The following XRN1 variants were observed in gnomAD, a reference collection of about 807,000 sequenced individuals.
XRN1 encodes 5'-3' exoribonuclease 1, also known as strand-exchange protein 1 homolog.
In XRN1, 67 loss-of-function variants were observed where a neutral mutation model predicts 222.3. The observed-to-expected ratio is 0.30, with a 90% CI of 0.25 to 0.37. The LOEUF is 0.37. Among genes scored for constraint, XRN1 ranks in the 10% least tolerant of loss-of-function variants. XRN1 has a pLI of 1.00. For missense variants in XRN1, 1,707 were observed against 2,000.2 expected, an observed-to-expected ratio of 0.85 and a Z score of 2.80; for synonymous variants, 643 against 652.4, an observed-to-expected ratio of 0.99 and a Z score of 0.22.
At chr3:142,390,418 G>C (rs1322843355) in intron 20 of XRN1, among the ~76,000 whole-genome samples, 1 of 152,190 alleles carries the variant, frequency 6.6e-6, no homozygotes, top group East Asian at 1.9e-4. Flanking sequence ...ATTAGCATTT[G>C]TTGCTTCAGC....
At chr3:142,446,434 TTAGTGTCCA>T (rs1244526169) in intron 1 of XRN1, among the ~76,000 whole-genome samples, 1 of 152,228 alleles carries the variant, frequency 6.6e-6, no homozygotes, top group African/African-American at 2.4e-5. Flanking sequence ...AAACCTATCC[TTAGTGTCCA>T]TGTCATAAAA....
chr3:142,327,160 G>A (rs2065539815), intron 37 of XRN1, among the ~76,000 whole-genome samples: 1 of 152,040 alleles, frequency 6.6e-6, no homozygotes, highest in East Asian at 1.9e-4. Context: ...CAAGTTTTTG[G>A]AACAGTCTGA....
chr3:142,396,596 G>A (rs147843810), intron 20 of XRN1, among the ~76,000 whole-genome samples: 63 of 152,216 alleles, frequency 4.1e-4, no homozygotes, highest in African/African-American at 1.3e-3. Flanking sequence ...GTCTTTGAAC[G>A]TTTTCCCGGT....
chr3:142,327,585 A>G (rs2065555553), intron 37 of XRN1, among the ~76,000 whole-genome samples: 2 of 150,368 alleles, frequency 1.3e-5, no homozygotes, highest in South Asian at 4.2e-4. Context: ...TTTTAGTATC[A>G]ATTCATTAAT....
chr3:142,353,948 A>C (rs1325730663), intron 32 of XRN1, among the ~76,000 whole-genome samples: 1 of 152,190 alleles, frequency 6.6e-6, no homozygotes, highest in South Asian at 2.1e-4. Flanking sequence ...AATATCAAGA[A>C]TCTATAAGGA....
intron 1 of XRN1, among the ~76,000 whole-genome samples, chr3:142,439,248 T>C (rs927419108): frequency 6.6e-6 from 1 of 152,216 alleles, no homozygotes; most frequent in African/African-American, 2.4e-5. Context: ...AGTGCCGCCA[T>C]AACTGCAGCC....
At chr3:142,350,961 G>A (rs2066286992) in intron 32 of XRN1, among the ~76,000 whole-genome samples, 1 of 152,140 alleles carries the variant, frequency 6.6e-6, no homozygotes, top group Admixed American at 6.6e-5. Flanking sequence ...ATGAAGGGTT[G>A]AACACTGAGT....
chr3:142,371,133 A>G, intron 26 of XRN1, 106 bp downstream of exon 26: 2 of 816,202 alleles, frequency 2.5e-6, no homozygotes, highest in Non-Finnish European at 1.8e-6. Flanking sequence ...CTGTCTCAAA[A>G]AAAAAAAAAA....
intron 33 of XRN1, among the ~76,000 whole-genome samples, chr3:142,343,228 T>C (rs1394594518): frequency 6.6e-6 from 1 of 151,878 alleles, no homozygotes; most frequent in African/African-American, 2.4e-5. Context: ...GGCCGAGGCA[T>C]GTGGATCACG....
chr3:142,373,126 G>C (rs1473726198), intron 25 of XRN1, among the ~76,000 whole-genome samples: 1 of 151,928 alleles, frequency 6.6e-6, no homozygotes, highest in Non-Finnish European at 1.5e-5. Context: ...AAAAATAGAA[G>C]GATAAATCCT....
chr3:142,339,998 A>G (rs529386774), intron 33 of XRN1, among the ~76,000 whole-genome samples: 1 of 152,292 alleles, frequency 6.6e-6, no homozygotes, highest in East Asian at 1.9e-4. Context: ...AAAATGTATC[A>G]GAGTCTCATA....
intron 1 of XRN1, among the ~76,000 whole-genome samples, chr3:142,436,752 A>G (rs2069930208): frequency 6.6e-6 from 1 of 152,200 alleles, no homozygotes; most frequent in Non-Finnish European, 1.5e-5. Context: ...TATATCATCA[A>G]GTGACAAAGG....
intron 2 of XRN1, among the ~76,000 whole-genome samples, chr3:142,431,912 A>C (rs1471194195): frequency 2.4e-5 from 1 of 41,406 alleles, no homozygotes; most frequent in African/African-American, 1.2e-4. Flanking sequence ...TTATATATAT[A>C]AATATATATA....
At chr3:142,337,808 T>A (rs2065890557) in intron 33 of XRN1, among the ~76,000 whole-genome samples, 1 of 152,172 alleles carries the variant, frequency 6.6e-6, no homozygotes, top group Non-Finnish European at 1.5e-5. Flanking sequence ...GGAAGGGACA[T>A]CAGCAAAATG....
intron 2 of XRN1, among the ~76,000 whole-genome samples, chr3:142,428,556 C>T (rs1327030133): frequency 6.6e-6 from 1 of 152,068 alleles, no homozygotes; most frequent in Non-Finnish European, 1.5e-5. Context: ...TAATGGTAGT[C>T]TAGGCTGAGA....
rs1196178984 is a variant in XRN1, at chr3:142,384,696, GAATA to G, written c.2340-15_2340-12del. 2 of 1,562,748 alleles carry G rather than the reference GAATA, an allele frequency of 1.3e-6. No individual in the cohort carries two copies. Among genetic ancestry groups the G allele is most frequent in the South Asian group, 1.2e-5 (1 of 83,584 alleles). On this transcript the variant is annotated splice_polypyrimidine_tract_variant and intron_variant, in intron 20 of 40. Coordinates refer to ENST00000392981, the MANE Select transcript of XRN1 (RefSeq NM_001282857.2). The stretch of plus-strand genomic sequence containing the variant: ...TTTCTTCTCAGGTAGCTAAAATAAA[GAATA>G]AACATGAAATATACATATGAATGAG...
chr3:142,409,489 C>T (rs527554295), intron 15 of XRN1, among the ~76,000 whole-genome samples: 171 of 152,296 alleles, frequency 1.1e-3, no homozygotes, highest in African/African-American at 3.9e-3. Flanking sequence ...CATAAACATA[C>T]ATTTGGGTGG....
chr3:142,394,050 C>T (rs554077483), intron 20 of XRN1, among the ~76,000 whole-genome samples: 1 of 152,276 alleles, frequency 6.6e-6, no homozygotes, highest in East Asian at 1.9e-4. Context: ...TGGTCTTGAA[C>T]TCCTGACCTC....
intron 36 of XRN1, among the ~76,000 whole-genome samples, chr3:142,330,873 C>G (rs1247044460): frequency 6.6e-6 from 1 of 152,126 alleles, no homozygotes; most frequent in African/African-American, 2.4e-5. Context: ...ATGGCGTGAT[C>G]TTGGCTCACT....
Sources: gnomAD v4.1 joint callset for allele counts (sites outside exome capture counted in the v4.1 genomes callset) on GRCh38, gnomAD v4.1.1 for gene constraint, MANE v1.5 for transcripts, NCBI Gene and HGNC (gene_info 2026-07-23, HGNC 2026-07-21) for gene names.